The following TRABD2B variants were observed in gnomAD, a reference collection of about 807,000 sequenced individuals.
The protein encoded by TRABD2B is TraB domain containing 2B.
TRABD2B carries 14 observed loss-of-function variants against 40.1 expected under a neutral mutation model. The ratio of observed to expected loss-of-function variants is 0.35; its 90% CI spans 0.23 to 0.55. The LOEUF (loss-of-function observed/expected upper bound fraction) is 0.55. Ranked by LOEUF, TRABD2B falls within the 20% of genes least tolerant of loss-of-function variation. TRABD2B has a pLI of 0.90. For missense variants in TRABD2B, 541 were observed against 648.6 expected, an observed-to-expected ratio of 0.83 and a Z score of 1.80; for synonymous variants, 263 against 277.0, an observed-to-expected ratio of 0.95 and a Z score of 0.50.
Position 47,996,422 on chromosome 1 carries a change from T to C in TRABD2B, c.102+266A>G, listed in dbSNP as rs1255340619. ...AAAAGGGGCAGAGAGAGAGGAGGCG[T>C]CCAAGCAGGACCACAAGTCAAGAGG... is the stretch of plus-strand genomic sequence containing the variant. On this transcript the variant is annotated intron_variant, in intron 1 of 6. Transcript: ENST00000606738. The surrounding 1 kb of genome is among the most constrained non-coding windows in gnomAD (Gnocchi z 4.6). 6.6e-6 allele frequency among the ~76,000 whole-genome samples: 1 copy of C among 151,660 alleles called. No homozygotes were observed. The highest frequency in any genetic ancestry group is 2.4e-5 in the African/African-American group (1 of 41,220).
At chr1:47,783,043 G>T (rs1294974221) in intron 4 of TRABD2B, among the ~76,000 whole-genome samples, 1 of 152,142 alleles carries the variant, frequency 6.6e-6, no homozygotes, top group Non-Finnish European at 1.5e-5. Context: ...GGGGTGGGGG[G>T]GTTGCGGCAC....
intron 2 of TRABD2B, among the ~76,000 whole-genome samples, chr1:47,916,602 G>A (rs1030497103): frequency 6.6e-6 from 1 of 152,174 alleles, no homozygotes; most frequent in African/African-American, 2.4e-5. Flanking sequence ...TCTCACAGAG[G>A]GTGACGAAAT....
intron 2 of TRABD2B, among the ~76,000 whole-genome samples, chr1:47,805,423 G>C (rs775464259): frequency 2.3e-4 from 35 of 152,138 alleles, no homozygotes; most frequent in Non-Finnish European, 5.0e-4. Context: ...GGCCAGGACT[G>C]AAACCCAAGC....
At chr1:47,800,453 C>T (rs1239830515) in intron 3 of TRABD2B, among the ~76,000 whole-genome samples, 3 of 152,158 alleles carry the variant, frequency 2.0e-5, no homozygotes, top group Non-Finnish European at 2.9e-5. Context: ...TGGGTTCGCA[C>T]ACCAGCAAGA....
chr1:47,848,702 G>A, intron 2 of TRABD2B, among the ~76,000 whole-genome samples: 1 of 152,210 alleles, frequency 6.6e-6, no homozygotes, highest in Non-Finnish European at 1.5e-5. Flanking sequence ...GGCAGGGAAA[G>A]TTTGTCCAGG....
In TRABD2B at chr1:47,994,114, TCTC is replaced by T; in HGVS notation, c.583_585del (p.Glu195del). 1 of 1,536,200 alleles carries T rather than the reference TCTC, an allele frequency of 6.5e-7. No individual in the cohort carries two copies. The highest frequency in any genetic ancestry group is 8.7e-7 in the Non-Finnish European group (1 of 1,146,920). On this transcript the variant is annotated inframe_deletion, in exon 2 of 7. Transcript: ENST00000606738. The surrounding 1 kb of genome is among the most constrained non-coding windows in gnomAD (Gnocchi z 6.7). ...ACAGCCCCTGTGGTCTTCTTCATCTTCTCAGCCTGCTGGGCCAGGTAGAGGTCG... is the reference window on the plus strand; with the variant it reads ...ACAGCCCCTGTGGTCTTCTTCATCTTAGCCTGCTGGGCCAGGTAGAGGTCG...
chr1:47,961,901 G>T (rs530173762), intron 2 of TRABD2B, among the ~76,000 whole-genome samples: 108 of 152,276 alleles, frequency 7.1e-4, no homozygotes, highest in African/African-American at 2.0e-3. Context: ...CTGCTATAAA[G>T]ACACATGCAC....
intron 2 of TRABD2B, among the ~76,000 whole-genome samples, chr1:47,992,605 G>A (rs1012214749): frequency 2.6e-5 from 4 of 152,206 alleles, no homozygotes; most frequent in Non-Finnish European, 2.9e-5. Context: ...ACCTGCCTCC[G>A]AAATGAGATG....
chr1:47,863,554 G>A (rs897102184), intron 2 of TRABD2B, among the ~76,000 whole-genome samples: 2 of 151,926 alleles, frequency 1.3e-5, no homozygotes, highest in Admixed American at 1.3e-4. Context: ...ATGACAATGA[G>A]ATACCACTCA....
At chr1:47,946,057 A>G (rs1603530) in intron 2 of TRABD2B, among the ~76,000 whole-genome samples, 38,127 of 152,024 alleles carry the variant, frequency 0.25, 4,795 homozygotes, top group Admixed American at 0.28. Context: ...AACCCTTGCT[A>G]TTATCGGTTT....
intron 2 of TRABD2B, among the ~76,000 whole-genome samples, chr1:47,959,728 C>A (rs1225894229): frequency 6.6e-6 from 1 of 152,138 alleles, no homozygotes; most frequent in Non-Finnish European, 1.5e-5. Context: ...TAATAGCCTA[C>A]CAACCAAAAA....
chr1:47,996,677 C>G lies in TRABD2B; in HGVS notation c.102+11G>C, dbSNP rs115388793. 1,397 of 1,228,728 alleles carry G rather than the reference C, an allele frequency of 1.1e-3. 15 individuals carry two copies. In the African/African-American group the frequency reaches 0.017, roughly 15 times the overall value. The allele number at this position is 1,228,728 out of a possible 1,614,324, so 76.1% of individuals were successfully genotyped here. Reference sequence around the variant, plus strand: ...GCAGGCGGGAGAGTGGCCGGGCAGGCGCTCGCTCACCGATCCGGGCGGCCG... The same window carrying G: ...GCAGGCGGGAGAGTGGCCGGGCAGGGGCTCGCTCACCGATCCGGGCGGCCG... On this transcript the variant is annotated intron_variant, in intron 1 of 6. Transcript: ENST00000606738. The surrounding 1 kb of genome is among the most constrained non-coding windows in gnomAD (Gnocchi z 4.6).
At chr1:47,977,598 A>G (rs2148435750) in intron 2 of TRABD2B, among the ~76,000 whole-genome samples, 1 of 152,018 alleles carries the variant, frequency 6.6e-6, no homozygotes, top group Middle Eastern at 3.4e-3. Context: ...AAGTCACAGC[A>G]GGCAGAAAAA....
intron 2 of TRABD2B, among the ~76,000 whole-genome samples, chr1:47,868,837 CT>C (rs1644099043): frequency 6.6e-6 from 1 of 152,184 alleles, no homozygotes; most frequent in African/African-American, 2.4e-5. Context: ...GAATTTTGAA[CT>C]GTAGACTTCA....
chr1:47,886,279 G>A (rs150988543), intron 2 of TRABD2B, among the ~76,000 whole-genome samples: 9 of 152,228 alleles, frequency 5.9e-5, no homozygotes, highest in African/African-American at 1.9e-4. Context: ...ACTTGGTCTC[G>A]GCCACTATGC....
intron 2 of TRABD2B, among the ~76,000 whole-genome samples, chr1:47,923,907 TACACACATACAC>T (rs1432769916): frequency 2.6e-4 from 17 of 64,226 alleles, no homozygotes; most frequent in East Asian, 1.3e-3. Context: ...TCTACACACA[TACACACATACAC>T]ACACACACAC....
intron 2 of TRABD2B, among the ~76,000 whole-genome samples, chr1:47,982,745 T>C (rs1645858035): frequency 1.3e-5 from 2 of 152,092 alleles, no homozygotes; most frequent in African/African-American, 4.8e-5. Context: ...GTAGAAAGGC[T>C]TGTTCTGCAT....
chr1:47,831,177 G>A (rs1451974210), intron 2 of TRABD2B, among the ~76,000 whole-genome samples: 4 of 152,062 alleles, frequency 2.6e-5, no homozygotes, highest in Non-Finnish European at 5.9e-5. Context: ...GTCTGGAGAC[G>A]GGGGGCAAAC....
intron 2 of TRABD2B, among the ~76,000 whole-genome samples, chr1:47,896,615 AG>A (rs1225524272): frequency 6.6e-6 from 1 of 152,182 alleles, no homozygotes; most frequent in Non-Finnish European, 1.5e-5. Context: ...AAAATCAGGC[AG>A]GCTTGGGGAA....
Sources: gnomAD v4.1 joint callset for allele counts (sites outside exome capture counted in the v4.1 genomes callset) on GRCh38, gnomAD v4.1.1 for gene constraint, Gnocchi (gnomAD v3.1) non-coding constraint, MANE v1.5 for transcripts, NCBI Gene and HGNC (gene_info 2026-07-23, HGNC 2026-07-21) for gene names.